Variants in DPEP1 observed in about 807,000 individuals in gnomAD.
The protein encoded by DPEP1 is beta-lactamase.
A neutral mutation model predicts 42.3 loss-of-function variants in DPEP1; 50 were observed. The ratio of observed to expected loss-of-function variants is 1.18; its 90% CI spans 0.94 to 1.50. The LOEUF is 1.50. Ranked by LOEUF, DPEP1 falls within the 40% of genes most tolerant of loss-of-function variation. The pLI is 0.00. For synonymous variants in DPEP1, 297 were observed against 234.0 expected, an observed-to-expected ratio of 1.27 and a Z score of -2.46; for missense variants, 663 against 553.0, an observed-to-expected ratio of 1.20 and a Z score of -1.99.
At chr16:89,616,842 G>A (rs2059383304) in intron 1 of DPEP1, 1 of 240,372 alleles carries the variant, frequency 4.2e-6, no homozygotes, top group Admixed American at 5.7e-5. Flanking sequence ...AAGCGGACAG[G>A]AAGTGGCCAG....
chr16:89,627,267 C>A (rs1425847539), intron 1 of DPEP1, among the ~76,000 whole-genome samples: 2 of 86,796 alleles, frequency 2.3e-5, no homozygotes, highest in Admixed American at 1.3e-4. Flanking sequence ...AGTGAGACTC[C>A]GTCTCAAAAA....
chr16:89,627,198 G>A (rs573553296), intron 1 of DPEP1, among the ~76,000 whole-genome samples: 53 of 151,748 alleles, frequency 3.5e-4, no homozygotes, highest in African/African-American at 7.0e-4. Context: ...GCATGAACCC[G>A]GGAGGCAGAG....
chr16:89,628,262 T>C (rs1314192078), intron 1 of DPEP1, among the ~76,000 whole-genome samples: 1 of 147,580 alleles, frequency 6.8e-6, no homozygotes, highest in Admixed American at 6.8e-5. Context: ...CTTTCTTTTT[T>C]TTTTTTTTTT....
chr16:89,617,857 C>A (rs1450595545), intron 1 of DPEP1, among the ~76,000 whole-genome samples: 1 of 149,690 alleles, frequency 6.7e-6, no homozygotes, highest in Admixed American at 6.7e-5. Context: ...AACCCCATCT[C>A]TACTAAAAAT....
intron 1 of DPEP1, among the ~76,000 whole-genome samples, chr16:89,616,337 G>A (rs1027982403): frequency 1.3e-5 from 2 of 152,160 alleles, no homozygotes; most frequent in Non-Finnish European, 2.9e-5. Flanking sequence ...GGGGCTGACC[G>A]GGCACAGTTT....
intron 2 of DPEP1, among the ~76,000 whole-genome samples, chr16:89,631,358 C>T (rs554974446): frequency 6.6e-6 from 1 of 152,296 alleles, no homozygotes; most frequent in South Asian, 2.1e-4. Context: ...CCCAGTGCCC[C>T]GACACTGGGT....
rs1463714825 is a variant in DPEP1 at position 89,636,998 on chromosome 16, A to G, written c.591+63A>G. The G allele has an allele frequency of 6.3e-6, 10 of 1,592,764 alleles. No individual in the cohort carries two copies. The Admixed American group carries it at 8.6e-5, about 14-fold the overall frequency. On this transcript the variant is annotated intron_variant, in intron 6 of 10. Coordinates refer to ENST00000690203, the MANE Select transcript of DPEP1 (RefSeq NM_001389466.1). ...AAGGCAGAGGCCCTGGAGGGTGACC[A>G]GAACAATGCATCTCCTCACGTGGGA... is the stretch of plus-strand genomic sequence containing the variant.
At chr16:89,622,843 C>T (rs886801223) in intron 1 of DPEP1, among the ~76,000 whole-genome samples, 3 of 151,438 alleles carry the variant, frequency 2.0e-5, no homozygotes, top group Non-Finnish European at 2.9e-5. Flanking sequence ...GCAAAGATTC[C>T]GACCCATTTC....
chr16:89,641,435 G>A (rs2059741988), downstream of DPEP1, among the ~76,000 whole-genome samples: 1 of 152,190 alleles, frequency 6.6e-6, no homozygotes, highest in Admixed American at 6.5e-5. Context: ...CGCTTCTCAC[G>A]GTGCCCCTTC....
At chr16:89,626,267 A>G (rs2059510418) in intron 1 of DPEP1, among the ~76,000 whole-genome samples, 1 of 152,146 alleles carries the variant, frequency 6.6e-6, no homozygotes, top group African/African-American at 2.4e-5. Flanking sequence ...GCTGGAGGTG[A>G]GTGCATCGTG....
chr16:89,622,884 T>C (rs1176265743), intron 1 of DPEP1, among the ~76,000 whole-genome samples: 1 of 151,536 alleles, frequency 6.6e-6, no homozygotes, highest in African/African-American at 2.4e-5. Flanking sequence ...GAAGAGTGTG[T>C]CTGTGAGGAG....
intron 2 of DPEP1, among the ~76,000 whole-genome samples, chr16:89,635,429 G>T (rs1054048002): frequency 3.2e-4 from 49 of 152,194 alleles, no homozygotes; most frequent in Non-Finnish European, 6.5e-4. Flanking sequence ...GAGGATGGGG[G>T]TCCCAGGCCC....
intron 1 of DPEP1, chr16:89,616,755 G>A (rs943178836): frequency 7.2e-6 from 2 of 276,240 alleles, no homozygotes; most frequent in Non-Finnish European, 1.4e-5. Flanking sequence ...AGCAGGCAGA[G>A]AGCGACCAGG....
intron 1 of DPEP1, among the ~76,000 whole-genome samples, chr16:89,629,742 C>G (rs982662087): frequency 2.6e-5 from 4 of 152,212 alleles, no homozygotes; most frequent in African/African-American, 9.6e-5. Flanking sequence ...TGTCTAGCTG[C>G]TTGGCCTGAA....
chr16:89,626,862 A>G (rs1022787369), intron 1 of DPEP1, among the ~76,000 whole-genome samples: 2 of 152,052 alleles, frequency 1.3e-5, no homozygotes, highest in South Asian at 4.2e-4. Flanking sequence ...TCATGCCTGT[A>G]ATCCCAACAG....
At chr16:89,616,809 A>AAAGCGGCCAGGAAGTGGCCAGG in intron 1 of DPEP1, 1 of 257,138 alleles carries the variant, frequency 3.9e-6, no homozygotes, top group South Asian at 3.1e-5. Flanking sequence ...AAGCAGGCAG[A>AAAGCGGCCAGGAAGTGGCCAGG]AAGCGGCCAG....
At chr16:89,631,397 C>G (rs2059586528) in intron 2 of DPEP1, among the ~76,000 whole-genome samples, 1 of 152,206 alleles carries the variant, frequency 6.6e-6, no homozygotes, top group Admixed American at 6.5e-5. Context: ...CTTCCAGGCA[C>G]CAGACTCAGA....
chr16:89,622,605 G>A (rs1328911366), intron 1 of DPEP1, among the ~76,000 whole-genome samples: 1 of 152,140 alleles, frequency 6.6e-6, no homozygotes, highest in African/African-American at 2.4e-5. Context: ...CCAACATGGT[G>A]AAACCCTGTC....
Position 89,636,675 on chromosome 16 carries a change from C to T in DPEP1, c.513C>T (p.Asn171=), listed in dbSNP as rs775724830. The change falls in exon 5 of 11, where the codon AAC becomes AAT. Residue 171 remains asparagine, a synonymous_variant. Coordinates refer to ENST00000690203, the MANE Select transcript of DPEP1 (RefSeq NM_001389466.1). ...ACCTGACCCTCACCCACAGCTGCAA[C>T]ACGCCCTGGTGCGTGACTCCCCATG... ...MRYLTLTHSC[N]TPWADNWLVD... The T allele has an allele frequency of 1.2e-6, 2 of 1,612,284 alleles. No homozygotes were observed. The highest frequency in any genetic ancestry group is 2.7e-5 in the African/African-American group (2 of 74,944).
Sources: gnomAD v4.1 joint callset for allele counts (sites outside exome capture counted in the v4.1 genomes callset) on GRCh38, gnomAD v4.1.1 for gene constraint, MANE v1.5 for transcripts, NCBI Gene and HGNC (gene_info 2026-07-23, HGNC 2026-07-21) for gene names.